TMEM65: variants seen among roughly 807,000 people sequenced by gnomAD.
The protein encoded by TMEM65 is transmembrane protein 65.
TMEM65 carries 22 observed loss-of-function variants against 25.4 expected under a neutral mutation model. That is an observed-to-expected ratio of 0.86 (90% CI 0.62 to 1.23). The LOEUF is 1.23. Among genes scored for constraint, TMEM65 ranks in the 50% most tolerant of loss-of-function variants. The probability of loss-of-function intolerance (pLI) is 0.00; values close to 1 mark genes in which losing one functional copy is unlikely to be tolerated. For missense variants in TMEM65, 262 were observed against 308.2 expected (o/e 0.85, Z 1.12); for synonymous variants, 132 against 126.2 (o/e 1.05, Z -0.31).
At chr8:124,351,528 A>G (rs1040919149) in intron 1 of TMEM65, among the ~76,000 whole-genome samples, 2 of 152,184 alleles carry the variant, frequency 1.3e-5, no homozygotes, top group Non-Finnish European at 2.9e-5. Context: ...CTTCTCATAT[A>G]ACTTCTCATC....
chr8:124,352,470 A>C (rs1320366527), intron 1 of TMEM65, among the ~76,000 whole-genome samples: 1 of 146,594 alleles, frequency 6.8e-6, no homozygotes, highest in Non-Finnish European at 1.5e-5. Flanking sequence ...CCTTGAATTT[A>C]CTATCATAAA....
At chr8:124,323,513 A>G (rs983090575) in intron 3 of TMEM65, 138 bp from the exon 4 acceptor site, 2 of 371,572 alleles carry the variant, frequency 5.4e-6, no homozygotes, top group Non-Finnish European at 9.9e-6. Context: ...ATATGCACAT[A>G]TAATATAGTA....
At chr8:124,334,430 A>T (rs552083189) in intron 1 of TMEM65, among the ~76,000 whole-genome samples, 2 of 152,174 alleles carry the variant, frequency 1.3e-5, no homozygotes, top group Non-Finnish European at 2.9e-5. Context: ...AAAAGAACCA[A>T]TAAAAAGTTC....
chr8:124,367,479 T>C (rs1226411342), intron 1 of TMEM65, among the ~76,000 whole-genome samples: 1 of 151,452 alleles, frequency 6.6e-6, no homozygotes, highest in East Asian at 1.9e-4. Context: ...TCTCAAAAAA[T>C]AAAAAAAATT....
At chr8:124,314,349 T>C (rs571962507) in intron 6 of TMEM65, among the ~76,000 whole-genome samples, 1 of 152,344 alleles carries the variant, frequency 6.6e-6, no homozygotes, top group African/African-American at 2.4e-5. Flanking sequence ...TTCAACTGAA[T>C]TGACGGGTCT....
intron 1 of TMEM65, among the ~76,000 whole-genome samples, chr8:124,334,542 G>C (rs1453670637): frequency 2.0e-5 from 3 of 151,654 alleles, no homozygotes; most frequent in African/African-American, 7.3e-5. Context: ...AAGGTGGGTG[G>C]GTCACAAGGT....
chr8:124,311,139 C>T lies in TMEM65; in HGVS notation c.*2821G>A, dbSNP rs1205720661. ...CTTGGATATATCTGCTGTAAATACC[C>T]ATCAGTGTGACTTATGTGAGTCTAT... On this transcript the variant is annotated 3_prime_UTR_variant, in exon 7 of 7. Transcript: ENST00000297632. 6.6e-6 allele frequency: 1 copy of T among 152,120 alleles called. No homozygotes were observed. Among genetic ancestry groups the T allele is most frequent in the Non-Finnish European group, 1.5e-5 (1 of 68,004 alleles). The allele number at this position is 152,120 out of a possible 1,614,324, so 9.4% of individuals were successfully genotyped here. A position where few individuals can be genotyped will look rare whatever the true frequency, so the allele number is the denominator to read the frequency against.
intron 2 of TMEM65, 103 bp downstream of exon 2, chr8:124,330,645 A>C: frequency 8.6e-7 from 1 of 1,164,988 alleles, no homozygotes; most frequent in East Asian, 2.6e-5. Context: ...CTCTATCTGG[A>C]AAGATTTAAT....
Position 124,308,557 on chromosome 8 carries a change from A to G in TMEM65, c.*5403T>C, listed in dbSNP as rs1814121699. 1 of 152,108 alleles carries G rather than the reference A, an allele frequency of 6.6e-6. No homozygotes were observed. Among genetic ancestry groups the G allele is most frequent in the Admixed American group, 6.5e-5 (1 of 15,276 alleles). The allele number at this position is 152,108 out of a possible 1,614,324, so 9.4% of individuals were successfully genotyped here. A position where few individuals can be genotyped will look rare whatever the true frequency, so the allele number is the denominator to read the frequency against. Reference sequence around the variant, plus strand: ...TACAACAGAGCCAATCAAGAAAATCATGAAAGAGGTTGTAGATATGTCAAA... The same window carrying G: ...TACAACAGAGCCAATCAAGAAAATCGTGAAAGAGGTTGTAGATATGTCAAA... On this transcript the variant is annotated 3_prime_UTR_variant, in exon 7 of 7. Coordinates refer to ENST00000297632, the MANE Select transcript of TMEM65 (RefSeq NM_194291.3).
At chr8:124,343,965 T>C (rs140387578) in intron 1 of TMEM65, among the ~76,000 whole-genome samples, 1 of 152,324 alleles carries the variant, frequency 6.6e-6, no homozygotes, top group East Asian at 1.9e-4. Context: ...TATAGGCAAA[T>C]GTGTAACCCT....
intron 6 of TMEM65, among the ~76,000 whole-genome samples, chr8:124,317,139 T>C (rs1043628377): frequency 6.6e-6 from 1 of 152,204 alleles, no homozygotes; most frequent in African/African-American, 2.4e-5. Context: ...TTGTACTCTG[T>C]ATGAATATTT....
chr8:124,313,683 T>C lies in TMEM65; in HGVS notation c.*277A>G. 1 of 314,316 alleles carries C rather than the reference T, an allele frequency of 3.2e-6. No individual in the cohort carries two copies. Among genetic ancestry groups the C allele is most frequent in the Non-Finnish European group, 5.9e-6 (1 of 170,624 alleles). The allele number at this position is 314,316 out of a possible 1,614,324, so 19.5% of individuals were successfully genotyped here. A position where few individuals can be genotyped will look rare whatever the true frequency, so the allele number is the denominator to read the frequency against. On this transcript the variant is annotated 3_prime_UTR_variant, in exon 7 of 7. Transcript: ENST00000297632. Reference sequence around the variant, plus strand: ...AGTCAATACAGTACATCAATGACACTTAAATAACATTATGAATATAAAAAG... The same window carrying C: ...AGTCAATACAGTACATCAATGACACCTAAATAACATTATGAATATAAAAAG...
At chr8:124,319,382 G>T (rs1814278134) in intron 6 of TMEM65, among the ~76,000 whole-genome samples, 2 of 152,026 alleles carry the variant, frequency 1.3e-5, no homozygotes, top group Non-Finnish European at 2.9e-5. Context: ...TAGGTAAGAG[G>T]CTCAAGCTCC....
intron 6 of TMEM65, among the ~76,000 whole-genome samples, chr8:124,316,157 C>T (rs755449145): frequency 6.6e-6 from 1 of 152,112 alleles, no homozygotes; most frequent in African/African-American, 2.4e-5. Flanking sequence ...TTTTCTCACT[C>T]CCTGATCCAG....
rs919239410 is a variant in TMEM65 at position 124,308,553 on chromosome 8, A to G, written c.*5407T>C. On this transcript the variant is annotated 3_prime_UTR_variant, in exon 7 of 7. Transcript: ENST00000297632. ...AATTTACAACAGAGCCAATCAAGAAAATCATGAAAGAGGTTGTAGATATGT... is the reference window on the plus strand; with the variant it reads ...AATTTACAACAGAGCCAATCAAGAAGATCATGAAAGAGGTTGTAGATATGT... The G allele has an allele frequency of 5.9e-5, 9 of 152,168 alleles. No homozygotes were observed. Among genetic ancestry groups the G allele is most frequent in the Non-Finnish European group, 1.3e-4 (9 of 68,038 alleles). 9.4% of individuals were successfully genotyped at this position (152,168 alleles called of 1,614,324 possible). A position where few individuals can be genotyped will look rare whatever the true frequency, so the allele number is the denominator to read the frequency against.
At position 124,328,402 on chromosome 8, in the gene TMEM65, T is replaced by TA. The variant is rs11355050; in HGVS notation, c.350-982dup. On this transcript the variant is annotated intron_variant, in intron 2 of 6. Transcript: ENST00000297632. ...CTGGCAACAGAGCAAGACTCCATCTTAAAAAAAAAAAAAAATTGTAACTAG... is the reference window on the plus strand; with the variant it reads ...CTGGCAACAGAGCAAGACTCCATCTTAAAAAAAAAAAAAAAATTGTAACTAG... Among the ~76,000 whole-genome samples the TA allele has an allele frequency of 3.5e-3, 496 of 141,080 alleles. 1 individual carries two copies. Among genetic ancestry groups the TA allele is most frequent in the East Asian group, 0.012 (61 of 4,894 alleles). 92.6% of individuals were successfully genotyped at this position (141,080 alleles called of 152,430 possible).
rs1334043224 is a variant in TMEM65, at chr8:124,310,865, G to C, written c.*3095C>G. The C allele has an allele frequency of 1.3e-5, 2 of 151,826 alleles. No individual in the cohort carries two copies. The highest frequency in any genetic ancestry group is 6.6e-5 in the Admixed American group (1 of 15,238). The allele number at this position is 151,826 out of a possible 1,614,324, so 9.4% of individuals were successfully genotyped here. ...AAAAAAATGAAAACTATAAAAACTA[G>C]ATTCTCAAGGTACTGCATTACCACA... On this transcript the variant is annotated 3_prime_UTR_variant, in exon 7 of 7. Transcript: ENST00000297632.
rs571909879 is a variant in TMEM65 at position 124,360,060 on chromosome 8, T to C, written c.304+11794A>G. ...TAAAAAGACTGCCTATTCAACTAAATAAGTCTTCAAGACATACCTTTCTGG... is the reference window on the plus strand; with the variant it reads ...TAAAAAGACTGCCTATTCAACTAAACAAGTCTTCAAGACATACCTTTCTGG... On this transcript the variant is annotated intron_variant, in intron 1 of 6. Coordinates refer to ENST00000297632, the MANE Select transcript of TMEM65 (RefSeq NM_194291.3). 2.8e-4 allele frequency among the ~76,000 whole-genome samples: 42 copies of C among 152,224 alleles called. No individual in the cohort carries two copies. In the South Asian group the frequency reaches 8.5e-3, roughly 31 times the overall value.
At chr8:124,328,747 AT>A (rs1432514313) in intron 2 of TMEM65, among the ~76,000 whole-genome samples, 27 of 152,192 alleles carry the variant, frequency 1.8e-4, no homozygotes, top group Admixed American at 1.4e-3. Flanking sequence ...GTCCAAAAAA[AT>A]AATCCCTTAA....
Sources: gnomAD v4.1 joint callset for allele counts (sites outside exome capture counted in the v4.1 genomes callset) on GRCh38, gnomAD v4.1.1 for gene constraint, MANE v1.5 for transcripts, NCBI Gene and HGNC (gene_info 2026-07-23, HGNC 2026-07-21) for gene names.